SVIL: variants seen among roughly 807,000 people sequenced by gnomAD.
The protein encoded by SVIL is archvillin.
Under a neutral mutation model 240.4 loss-of-function variants are expected in SVIL, and 101 were observed. That is an observed-to-expected ratio of 0.42 (90% CI 0.36 to 0.50). The LOEUF is 0.50. SVIL is among the 20% of genes least tolerant of loss of function. SVIL has a pLI of 0.01. For missense variants in SVIL, 2,512 were observed against 2,818.7 expected (o/e 0.89, Z 2.46); for synonymous variants, 999 against 1,100.0 (o/e 0.91, Z 1.82).
At position 29,595,468 on chromosome 10, in the gene SVIL, C is replaced by T. The variant is rs1392859396; in HGVS notation, c.-200-26156G>A. On this transcript the variant is annotated intron_variant, in intron 1 of 37. Coordinates refer to ENST00000355867, the MANE Select transcript of SVIL (RefSeq NM_021738.3). ...GCCCAGTGAGGGAGAAGTGCCCTGA[C>T]AGCAACAACACTGTTATTTACAAAA... Among the ~76,000 whole-genome samples the T allele has an allele frequency of 3.3e-5, 5 of 152,208 alleles. No individual in the cohort carries two copies. In the East Asian group the frequency reaches 9.6e-4, roughly 29 times the overall value.
chr10:29,698,978 G>A (rs1028121397), intron 1 of SVIL, among the ~76,000 whole-genome samples: 1 of 152,268 alleles, frequency 6.6e-6, no homozygotes, highest in East Asian at 1.9e-4. Context: ...CACCCTCATC[G>A]AATGACACTA....
intron 2 of SVIL, among the ~76,000 whole-genome samples, chr10:29,675,993 C>A (rs1960173989): frequency 6.6e-6 from 1 of 152,194 alleles, no homozygotes; most frequent in African/African-American, 2.4e-5. Flanking sequence ...TACCAGATTA[C>A]TGCATCTGGG....
chr10:29,533,164 G>T lies in SVIL; in HGVS notation c.1203C>A (p.Val401=). 6.2e-7 allele frequency: 1 copy of T among 1,614,132 alleles called. No homozygotes were observed. The highest frequency in any genetic ancestry group is 8.5e-7 in the Non-Finnish European group (1 of 1,180,026). Residue 401 remains valine (V), a synonymous_variant, in exon 8 of 38, where the codon GTC becomes GTA. Transcript: ENST00000355867. ...GAACCGTCAAGCTGGGAGGTTTGGG[G>T]ACATTCTGGGTGGCTGATGCTACCC... The part of the protein sequence containing the change: ...CSWVASATQN[V]PKPPSLTVLE...
At chr10:29,728,545 A>G (rs1198267823) in intron 1 of SVIL, among the ~76,000 whole-genome samples, 1 of 152,194 alleles carries the variant, frequency 6.6e-6, no homozygotes, top group East Asian at 1.9e-4. Context: ...AGGGTTTGCA[A>G]ATTGTTAAGA....
intron 29 of SVIL, among the ~76,000 whole-genome samples, chr10:29,480,098 T>A (rs748221555): frequency 4.6e-5 from 7 of 152,208 alleles, no homozygotes; most frequent in African/African-American, 7.2e-5. Flanking sequence ...ATCAATCTTC[T>A]GTGCGTGTAT....
rs766742116 is a variant in SVIL at position 29,532,585 on chromosome 10, G to T, written c.1782C>A (p.Val594=). The stretch of plus-strand genomic sequence containing the variant: ...CCAGGAACGCACTTCGGAGCTGGGC[G>T]ACAGAGACTTTTGTGTCCAGCATGC... ...EISMLDTKVS[V]AQLRSAFLAS... Residue 594 remains valine, a synonymous_variant, in exon 8 of 38, where the codon GTC becomes GTA. Coordinates refer to ENST00000355867, the MANE Select transcript of SVIL (RefSeq NM_021738.3). 2 of 1,613,802 alleles carry T rather than the reference G, an allele frequency of 1.2e-6. No homozygotes were observed. Among genetic ancestry groups the T allele is most frequent in the South Asian group, 1.1e-5 (1 of 91,078 alleles).
rs371198011 is a variant in SVIL, at chr10:29,532,753, C to T, written c.1614G>A (p.Ser538=). Residue 538 remains serine, a synonymous_variant, in exon 8 of 38, where the codon TCG becomes TCA. Transcript: ENST00000355867. ...AKPTGHNREA[S]KKRKVRTRSL... Reference sequence around the variant, plus strand: ...AGCGGGTACGGACCTTGCGCTTTTTCGAGGCTTCCCTGTTGTGACCAGTTG... The same window carrying T: ...AGCGGGTACGGACCTTGCGCTTTTTTGAGGCTTCCCTGTTGTGACCAGTTG... The T allele has an allele frequency of 8.1e-6, 13 of 1,614,016 alleles. No individual in the cohort carries two copies. The highest frequency in any genetic ancestry group is 2.2e-5 in the South Asian group (2 of 91,090).
intron 36 of SVIL, among the ~76,000 whole-genome samples, chr10:29,460,640 G>A (rs1018848005): frequency 1.3e-5 from 2 of 152,194 alleles, no homozygotes; most frequent in Admixed American, 1.3e-4. Flanking sequence ...AGCCAGCAGT[G>A]GCTCATGCTT....
Position 29,551,249 on chromosome 10 carries a change from C to A in SVIL, c.175G>T (p.Glu59Ter). Residue 59 changes from glutamate (E) to a stop codon, truncating the protein, a stop_gained, in exon 6 of 38, where the codon GAG (glutamate) becomes TAG (stop). Transcript: ENST00000355867. LOFTEE classifies it high-confidence loss of function. Reference protein sequence around the residue: ...ASPHIGRSNEEEETSDSSLEK... With the variant: ...ASPHIGRSNE ...AGAGAAGAATCAGAAGTTTCCTCCT[C>A]TTCATTTGATCGGCCTACAAGAAGG... The A allele has an allele frequency of 6.3e-7, 1 of 1,597,496 alleles. No homozygotes were observed. The highest frequency in any genetic ancestry group is 1.1e-5 in the South Asian group (1 of 88,688).
chr10:29,560,345 G>A (rs10826657), intron 3 of SVIL, among the ~76,000 whole-genome samples: 41,849 of 152,104 alleles, frequency 0.28, 5,860 homozygotes, highest in East Asian at 0.33. Context: ...CAGAACCAAC[G>A]TAATCGCATA....
chr10:29,659,368 C>T (rs2133033561), intron 2 of SVIL, among the ~76,000 whole-genome samples: 2 of 152,284 alleles, frequency 1.3e-5, no homozygotes, highest in Middle Eastern at 6.8e-3. Context: ...CTGTTGTCTA[C>T]TCAGCACTTC....
intron 17 of SVIL, 137 bp from the exon 18 acceptor site, chr10:29,499,400 G>T: frequency 1.7e-6 from 2 of 1,167,288 alleles, no homozygotes; most frequent in Non-Finnish European, 2.4e-6. Context: ...GTTCAAAAAT[G>T]TTCTATCTGA....
At chr10:29,482,788 A>G (rs1207307755) in intron 27 of SVIL, 1 of 152,294 alleles carries the variant, frequency 6.6e-6, no homozygotes, top group Non-Finnish European at 1.5e-5. Flanking sequence ...CGTGCTGCAG[A>G]GGGCGTAGCC....
chr10:29,463,709 C>T, intron 34 of SVIL, 74 bp from the exon 35 acceptor site: 1 of 1,559,220 alleles, frequency 6.4e-7, no homozygotes, highest in Non-Finnish European at 8.7e-7. Flanking sequence ...CTCCCCCAAC[C>T]TAGTGGATGT....
intron 2 of SVIL, among the ~76,000 whole-genome samples, chr10:29,676,491 C>A (rs951006736): frequency 6.6e-6 from 1 of 152,166 alleles, no homozygotes; most frequent in African/African-American, 2.4e-5. Context: ...ATGCAGAGAG[C>A]TTACAAAGCA....
intron 31 of SVIL, 59 bp from the exon 32 acceptor site, chr10:29,470,542 G>A (rs1945450488): frequency 3.1e-6 from 5 of 1,591,204 alleles, no homozygotes; most frequent in Admixed American, 1.7e-5. Context: ...CAGCAAACGC[G>A]GCCCTTCCTA....
At chr10:29,709,331 T>G (rs1166064237) in intron 1 of SVIL, among the ~76,000 whole-genome samples, 4 of 152,304 alleles carry the variant, frequency 2.6e-5, no homozygotes, top group African/African-American at 9.6e-5. Context: ...TCAAAAAGTT[T>G]CGGATTTCAG....
At chr10:29,485,714 T>C (rs1304667200) in intron 26 of SVIL, among the ~76,000 whole-genome samples, 1 of 152,238 alleles carries the variant, frequency 6.6e-6, no homozygotes, top group African/African-American at 2.4e-5. Flanking sequence ...AGCACATTAA[T>C]TGGGAAATCC....
chr10:29,470,620 T>C, intron 31 of SVIL, 137 bp from the exon 32 acceptor site: 3 of 961,902 alleles, frequency 3.1e-6, no homozygotes, highest in Non-Finnish European at 4.7e-6. Flanking sequence ...CTGGAGGGGC[T>C]GAGGCACTGC....
Sources: allele counts gnomAD v4.1 joint callset (sites outside exome capture counted in the v4.1 genomes callset), GRCh38; gene constraint gnomAD v4.1.1; transcripts MANE v1.5; gene names NCBI Gene and HGNC (gene_info 2026-07-23, HGNC 2026-07-21).